RIC8A: variants seen among roughly 807,000 people sequenced by gnomAD.
The protein encoded by RIC8A is chaperone Ric-8A.
A neutral mutation model predicts 48.4 loss-of-function variants in RIC8A; 37 were observed. The ratio of observed to expected loss-of-function variants is 0.77; its 90% CI spans 0.59 to 1.01. RIC8A has a LOEUF of 1.01. Among genes scored for constraint, RIC8A ranks in the 50% least tolerant of loss-of-function variants. The pLI is 0.00. For synonymous variants in RIC8A, 288 were observed against 283.4 expected (o/e 1.02, Z -0.16); for missense variants, 681 against 696.8 (o/e 0.98, Z 0.25).
chr11:210,440 G>A lies in RIC8A; in HGVS notation c.727-131G>A, dbSNP rs1217822014. 3 of 894,978 alleles carry A rather than the reference G, an allele frequency of 3.4e-6. No individual in the cohort carries two copies. In the African/African-American group the frequency reaches 4.9e-5, roughly 15 times the overall value. The allele number at this position is 894,978 out of a possible 1,614,324, so 55.4% of individuals were successfully genotyped here. ...AGAGTCACCTAGGAAGACCCCAGGG[G>A]ACCAGGTATGCAGTACAGGAGGTGC... is the stretch of plus-strand genomic sequence containing the variant. On this transcript the variant is annotated intron_variant, in intron 3 of 9. Coordinates refer to ENST00000526104, the MANE Select transcript of RIC8A (RefSeq NM_001286134.2).
chr11:212,901 C>A lies in RIC8A; in HGVS notation c.1275C>A (p.Leu425=), dbSNP rs1442000837. 1.2e-6 allele frequency: 2 copies of A among 1,606,586 alleles called. No homozygotes were observed. Among genetic ancestry groups the A allele is most frequent in the Admixed American group, 3.4e-5 (2 of 59,314 alleles). ...NAAGLLAARG[L]MAGGRPEGQY... ...CTGGCCTTCTGGCTGCCAGGGGCCT[C>A]ATGGCAGGAGGCCGGCCCGAGGGCC... is the stretch of plus-strand genomic sequence containing the variant. The change falls in exon 8 of 10, where the codon CTC becomes CTA. Residue 425 remains leucine, a synonymous_variant. Transcript: ENST00000526104.
rs950187398 is a variant in RIC8A at position 213,601 on chromosome 11, T to C, written c.1475+183T>C. On this transcript the variant is annotated intron_variant, in intron 9 of 9. Transcript: ENST00000526104. ...CCCCCAGGGGATGGGTATATTGAGA[T>C]CAGTATTGTGCCCCTTTTACAGATG... The C allele has an allele frequency of 9.9e-6, 7 of 709,512 alleles. No homozygotes were observed. The Admixed American group carries it at 2.1e-4, about 21-fold the overall frequency. 44.0% of individuals were successfully genotyped at this position (709,512 alleles called of 1,614,324 possible). A position where few individuals can be genotyped will look rare whatever the true frequency, so the allele number is the denominator to read the frequency against.
Position 214,615 on chromosome 11 carries a change from A to C in RIC8A, c.*265A>C, listed in dbSNP as rs1257299661. The C allele has an allele frequency of 1.9e-6, 1 of 523,138 alleles. No homozygotes were observed. The highest frequency in any genetic ancestry group is 3.5e-6 in the Non-Finnish European group (1 of 283,684). The allele number at this position is 523,138 out of a possible 1,614,324, so 32.4% of individuals were successfully genotyped here. A position where few individuals can be genotyped will look rare whatever the true frequency, so the allele number is the denominator to read the frequency against. On this transcript the variant is annotated 3_prime_UTR_variant, in exon 10 of 10. Transcript: ENST00000526104. Reference sequence around the variant, plus strand: ...CGAAGTACTTTCTTTTGTCTGCGCCAAGAGGAATGTGTTCAGAAGCTGCTG... The same window carrying C: ...CGAAGTACTTTCTTTTGTCTGCGCCCAGAGGAATGTGTTCAGAAGCTGCTG...
In RIC8A at chr11:209,997, C is replaced by T. The variant is rs1317305521; in HGVS notation, c.723C>T (p.Asp241=). The change falls in exon 3 of 10, where the codon GAC becomes GAT. Residue 241 remains aspartate, a synonymous_variant. Coordinates refer to ENST00000526104, the MANE Select transcript of RIC8A (RefSeq NM_001286134.2). The part of the protein sequence containing the change: ...ITLDSIKGEV[D]EEDAALYRHL... Reference sequence around the variant, plus strand: ...TGGACTCCATCAAGGGGGAGGTGGACGAGGTGAGCACTGACCTTAACCCAT... The same window carrying T: ...TGGACTCCATCAAGGGGGAGGTGGATGAGGTGAGCACTGACCTTAACCCAT... The T allele has an allele frequency of 4.4e-6, 7 of 1,582,596 alleles. No homozygotes were observed. The African/African-American group carries it at 5.4e-5, about 12-fold the overall frequency.
intron 3 of RIC8A, 99 bp downstream of exon 3, chr11:210,099 C>A: frequency 9.4e-7 from 1 of 1,065,748 alleles, no homozygotes; most frequent in Non-Finnish European, 1.3e-6. Context: ...GGGTGTCAGA[C>A]ATGGAGAGGA....
chr11:211,530 C>T lies in RIC8A; in HGVS notation c.969+181C>T. 1 of 595,156 alleles carries T rather than the reference C, an allele frequency of 1.7e-6. No individual in the cohort carries two copies. The highest frequency in any genetic ancestry group is 2.8e-6 in the Non-Finnish European group (1 of 351,876). 36.9% of individuals were successfully genotyped at this position (595,156 alleles called of 1,614,324 possible). A position where few individuals can be genotyped will look rare whatever the true frequency, so the allele number is the denominator to read the frequency against. ...CCTGGCAAGAAGCCAGACCCTTCCT[C>T]CATGAGAAGCATGTGGACACCTTCC... On this transcript the variant is annotated intron_variant, in intron 5 of 9. Coordinates refer to ENST00000526104, the MANE Select transcript of RIC8A (RefSeq NM_001286134.2). This position sits in a 1 kb window ranked among gnomAD's most constrained non-coding sequence, Gnocchi z 4.0.
chr11:208,777 T>C lies in RIC8A; in HGVS notation c.-78T>C. ...CTCCCCCGCGCGCTGGCGCGGGGCT[T>C]TCTGGGCCAGGGCGGGGCCGGCGAA... On this transcript the variant is annotated 5_prime_UTR_variant, in exon 1 of 10. Transcript: ENST00000526104. This position sits in a 1 kb window ranked among gnomAD's most constrained non-coding sequence, Gnocchi z 4.8. The C allele has an allele frequency of 8.1e-7, 1 of 1,239,288 alleles. No homozygotes were observed. Among genetic ancestry groups the C allele is most frequent in the Non-Finnish European group, 1.1e-6 (1 of 899,776 alleles). The allele number at this position is 1,239,288 out of a possible 1,614,324, so 76.8% of individuals were successfully genotyped here.
Position 213,420 on chromosome 11 carries a change from T to G in RIC8A, c.1475+2T>G. ...GACCATGTTTGACAAGCTCTCCAGGTGTGTGGCATGAGGAGGAGGGGCCTG... is the reference window on the plus strand; with the variant it reads ...GACCATGTTTGACAAGCTCTCCAGGGGTGTGGCATGAGGAGGAGGGGCCTG... On this transcript the variant is annotated splice_donor_variant, in intron 9 of 9. Coordinates refer to ENST00000526104, the MANE Select transcript of RIC8A (RefSeq NM_001286134.2). LOFTEE classifies it high-confidence loss of function. 6.3e-7 allele frequency: 1 copy of G among 1,577,326 alleles called. No homozygotes were observed. Among genetic ancestry groups the G allele is most frequent in the Non-Finnish European group, 8.6e-7 (1 of 1,160,920 alleles).
chr11:213,299 C>T lies in RIC8A; in HGVS notation c.1356C>T (p.Ser452=). ...DTDEYKEAKA[S]INPVTGRVEE... ...CCACATTCCACCCACTGGGAAACAG[C>T]ATAAACCCTGTGACCGGGAGGGTGG... The change falls in exon 9 of 10, where the codon AGC becomes AGT. Residue 452 remains serine, a splice_region_variant and synonymous_variant. Coordinates refer to ENST00000526104, the MANE Select transcript of RIC8A (RefSeq NM_001286134.2). 2 of 1,613,976 alleles carry T rather than the reference C, an allele frequency of 1.2e-6. No homozygotes were observed. The highest frequency in any genetic ancestry group is 1.7e-6 in the Non-Finnish European group (2 of 1,179,948).
chr11:208,967 G>C lies in RIC8A; in HGVS notation c.84+29G>C. ...AGCGGCCGCCTGAGGCCGGGGGGCG[G>C]GCACGGAGGGGGTGGGGCAGGGTCG... On this transcript the variant is annotated intron_variant, in intron 1 of 9. Coordinates refer to ENST00000526104, the MANE Select transcript of RIC8A (RefSeq NM_001286134.2). The surrounding 1 kb of genome is among the most constrained non-coding windows in gnomAD (Gnocchi z 4.8). The C allele has an allele frequency of 1.3e-6, 2 of 1,543,978 alleles. No individual in the cohort carries two copies. Among genetic ancestry groups the C allele is most frequent in the Non-Finnish European group, 1.8e-6 (2 of 1,133,356 alleles).
chr11:212,597 G>C lies in RIC8A; in HGVS notation c.1066-18G>C. On this transcript the variant is annotated intron_variant, in intron 6 of 9. Coordinates refer to ENST00000526104, the MANE Select transcript of RIC8A (RefSeq NM_001286134.2). ...TTGGCTGCTCTAAGCCCAAGCTTAG[G>C]GATGGCCACCTCCCCAGGTGCTGCC... 1 of 1,613,712 alleles carries C rather than the reference G, an allele frequency of 6.2e-7. No individual in the cohort carries two copies. The highest frequency in any genetic ancestry group is 8.5e-7 in the Non-Finnish European group (1 of 1,179,882).
At chr11:210,513 A>G (rs1454079247) in intron 3 of RIC8A, 58 bp from the exon 4 acceptor site, 12 of 1,461,654 alleles carry the variant, frequency 8.2e-6, no homozygotes, top group South Asian at 1.1e-5. Flanking sequence ...GTGGAGCCTC[A>G]GCAGGCAGCA....
chr11:213,065 G>A, intron 8 of RIC8A, 84 bp downstream of exon 8: 1 of 1,476,170 alleles, frequency 6.8e-7, no homozygotes, highest in Non-Finnish European at 9.0e-7. Flanking sequence ...CCTGTAGGGT[G>A]GGACAGGATG....
intron 8 of RIC8A, 90 bp downstream of exon 8, chr11:213,071 G>C (rs1564800508): frequency 1.4e-6 from 2 of 1,470,860 alleles, no homozygotes; most frequent in East Asian, 2.4e-5. Flanking sequence ...GGGTGGGACA[G>C]GATGACAAAT....
In RIC8A at chr11:214,733, T is replaced by C. The variant is rs918883197; in HGVS notation, c.*383T>C. ...CACACAAAGCAAGCACCATCTGGGATTGGCACACTGGCAGAGCCAGTGTGT... is the reference window on the plus strand; with the variant it reads ...CACACAAAGCAAGCACCATCTGGGACTGGCACACTGGCAGAGCCAGTGTGT... On this transcript the variant is annotated 3_prime_UTR_variant, in exon 10 of 10. Transcript: ENST00000526104. The C allele has an allele frequency of 1.9e-5, 7 of 363,232 alleles. No homozygotes were observed. In the East Asian group the frequency reaches 5.0e-4, roughly 26 times the overall value. 22.5% of individuals were successfully genotyped at this position (363,232 alleles called of 1,614,324 possible).
rs975619128 is a variant in RIC8A at position 209,686 on chromosome 11, G to A, written c.412G>A (p.Ala138Thr). The change falls in exon 3 of 10, where the codon GCC (alanine) becomes ACC (threonine). Residue 138 changes from alanine (A) to threonine (T), a missense_variant. Coordinates refer to ENST00000526104, the MANE Select transcript of RIC8A (RefSeq NM_001286134.2). ...SPVAQMLAAE[A>T]RLVVKLTERV... ...TGTGGCACAGATGCTGGCAGCAGAGGCCCGCCTAGTGGTGAAGCTCACAGA... is the reference window on the plus strand; with the variant it reads ...TGTGGCACAGATGCTGGCAGCAGAGACCCGCCTAGTGGTGAAGCTCACAGA... 6.2e-7 allele frequency: 1 copy of A among 1,613,938 alleles called. No homozygotes were observed. The highest frequency in any genetic ancestry group is 1.3e-5 in the African/African-American group (1 of 75,060).
In RIC8A at chr11:209,703, G is replaced by A; in HGVS notation, c.429G>A (p.Lys143=). Residue 143 remains lysine, a synonymous_variant, in exon 3 of 10, where the codon AAG becomes AAA. Coordinates refer to ENST00000526104, the MANE Select transcript of RIC8A (RefSeq NM_001286134.2). ...MLAAEARLVV[K]LTERVGLYRE... is the part of the protein sequence containing the mutation. ...CAGCAGAGGCCCGCCTAGTGGTGAAGCTCACAGAGCGTGTGGGGCTGTACC... is the reference window on the plus strand; with the variant it reads ...CAGCAGAGGCCCGCCTAGTGGTGAAACTCACAGAGCGTGTGGGGCTGTACC... 6.2e-7 allele frequency: 1 copy of A among 1,614,020 alleles called. No individual in the cohort carries two copies. Among genetic ancestry groups the A allele is most frequent in the Non-Finnish European group, 8.5e-7 (1 of 1,180,018 alleles).
chr11:209,440 C>T lies in RIC8A; in HGVS notation c.166C>T (p.Gln56Ter). Residue 56 changes from glutamine to a stop codon, truncating the protein, a stop_gained, in exon 3 of 10, where the codon CAG becomes TAG. Coordinates refer to ENST00000526104, the MANE Select transcript of RIC8A (RefSeq NM_001286134.2). LOFTEE classifies it high-confidence loss of function. ...GGAGCTGCTGGTCTCCGTCCTGGAA[C>T]AGGGCTTGCCACCCTCCCACCGTGT... The part of the protein sequence containing the change: ...LAELLVSVLE[Q>*]GLPPSHRVIW... 2 of 1,602,690 alleles carry T rather than the reference C, an allele frequency of 1.2e-6. No homozygotes were observed. Among genetic ancestry groups the T allele is most frequent in the Non-Finnish European group, 1.7e-6 (2 of 1,171,254 alleles).
At position 209,650 on chromosome 11, in the gene RIC8A, C is replaced by G. The variant is rs1855294879; in HGVS notation, c.376C>G (p.Leu126Val). ...ESLKCLCNLV[L>V]SSPVAQMLAA... The stretch of plus-strand genomic sequence containing the variant: ...CCTCAAGTGCCTGTGCAACCTCGTG[C>G]TCAGCAGCCCTGTGGCACAGATGCT... The change falls in exon 3 of 10, where the codon CTC (leucine) becomes GTC (valine). Residue 126 changes from leucine (L) to valine (V), a missense_variant. Leu to Val is a conservative substitution (Grantham distance 32). Coordinates refer to ENST00000526104, the MANE Select transcript of RIC8A (RefSeq NM_001286134.2). 3 of 1,614,014 alleles carry G rather than the reference C, an allele frequency of 1.9e-6. No individual in the cohort carries two copies. Among genetic ancestry groups the G allele is most frequent in the Non-Finnish European group, 2.5e-6 (3 of 1,180,012 alleles).
Sources: allele counts gnomAD v4.1 joint callset, GRCh38; gene constraint gnomAD v4.1.1; non-coding constraint Gnocchi (gnomAD v3.1); transcripts MANE v1.5; gene names NCBI Gene and HGNC (gene_info 2026-07-23, HGNC 2026-07-21).